The following MYOM1 variants were observed in gnomAD, a reference collection of about 807,000 sequenced individuals.
MYOM1 encodes the protein myomesin-1.
In MYOM1, 164 loss-of-function variants were observed where a neutral mutation model predicts 205.3. The observed-to-expected ratio is 0.80, with a 90% CI of 0.70 to 0.91. MYOM1 has a LOEUF of 0.91. MYOM1 is among the 40% of genes least tolerant of loss of function. The pLI is 0.00. For missense variants in MYOM1, 2,011 were observed against 2,127.3 expected, an observed-to-expected ratio of 0.95 and a Z score of 1.08; for synonymous variants, 772 against 789.4, an observed-to-expected ratio of 0.98 and a Z score of 0.37.
chr18:3,193,250 G>A (rs138340336), intron 3 of MYOM1, among the ~76,000 whole-genome samples: 1 of 150,414 alleles, frequency 6.6e-6, no homozygotes, highest in Non-Finnish European at 1.5e-5. Context: ...CTCCAGCCTG[G>A]GTAACAGAGT....
intron 2 of MYOM1, among the ~76,000 whole-genome samples, chr18:3,206,551 C>G (rs904133747): frequency 6.6e-6 from 1 of 152,190 alleles, no homozygotes; most frequent in Non-Finnish European, 1.5e-5. Context: ...ACAATTTCCT[C>G]TTCGCAAAAC....
intron 20 of MYOM1, among the ~76,000 whole-genome samples, chr18:3,118,919 CA>C (rs1158846000): frequency 6.6e-6 from 1 of 152,082 alleles, no homozygotes; most frequent in Non-Finnish European, 1.5e-5. Flanking sequence ...AGAAGTTCAG[CA>C]AAGGCAACGT....
chr18:3,094,822 C>T (rs184720972), intron 25 of MYOM1, among the ~76,000 whole-genome samples: 336 of 151,948 alleles, frequency 2.2e-3, no homozygotes, highest in Non-Finnish European at 3.5e-3. Flanking sequence ...CCACCACATT[C>T]GGCTAGTTTT....
chr18:3,212,233 G>T (rs770057587), intron 2 of MYOM1, among the ~76,000 whole-genome samples: 9 of 152,114 alleles, frequency 5.9e-5, no homozygotes, highest in Non-Finnish European at 1.2e-4. Flanking sequence ...AACATAACAA[G>T]CCATAATAAA....
chr18:3,121,893 C>A (rs1368789971), intron 19 of MYOM1, among the ~76,000 whole-genome samples: 1 of 152,022 alleles, frequency 6.6e-6, no homozygotes, highest in Non-Finnish European at 1.5e-5. Flanking sequence ...CCGAGGCGGG[C>A]GGATCACTTG....
chr18:3,237,946 T>C, the MYOM1 span, among the ~76,000 whole-genome samples: 1 of 152,154 alleles, frequency 6.6e-6, no homozygotes, highest in East Asian at 1.9e-4. Context: ...CAGGGATCAG[T>C]TTCGAGGAAG....
chr18:3,067,466 G>A lies in MYOM1; in HGVS notation c.4854C>T (p.His1618=), dbSNP rs1284559408. The A allele has an allele frequency of 6.2e-7, 1 of 1,613,718 alleles. No individual in the cohort carries two copies. Among genetic ancestry groups the A allele is most frequent in the Non-Finnish European group, 8.5e-7 (1 of 1,179,918 alleles). ...TCCCAGCCTCGAACTTGAGGTTGCA[G>A]TGGTCGTCTGAGGCCAGGGCCTTCT... The part of the protein sequence containing the change: ...KNEKALASDD[H]CNLKFEAGRT... Residue 1618 remains histidine, a synonymous_variant, in exon 38 of 38, where the codon CAC becomes CAT. Transcript: ENST00000356443.
intron 2 of MYOM1, among the ~76,000 whole-genome samples, chr18:3,196,958 G>T (rs2080996996): frequency 6.6e-6 from 1 of 152,172 alleles, no homozygotes; most frequent in Non-Finnish European, 1.5e-5. Flanking sequence ...GCTGAAAGAG[G>T]ACTCGGGGAT....
chr18:3,079,136 C>T, intron 34 of MYOM1, 43 bp downstream of exon 34: 3 of 1,596,300 alleles, frequency 1.9e-6, no homozygotes, highest in South Asian at 2.2e-5. Flanking sequence ...TTAAAAGGCT[C>T]ATTCATCTAG....
rs553146838 is a variant in MYOM1, at chr18:3,087,910, G to T, written c.4137+1264C>A. Reference sequence around the variant, plus strand: ...TACTCCATGAACTGTAATGCGACACGTGAGTGGCTAAATTTACAGGAATTG... The same window carrying T: ...TACTCCATGAACTGTAATGCGACACTTGAGTGGCTAAATTTACAGGAATTG... On this transcript the variant is annotated intron_variant, in intron 29 of 37. Transcript: ENST00000356443. Among the ~76,000 whole-genome samples the T allele has an allele frequency of 3.3e-5, 5 of 152,300 alleles. No individual in the cohort carries two copies. The South Asian group carries it at 1.0e-3, about 32-fold the overall frequency.
intron 25 of MYOM1, among the ~76,000 whole-genome samples, chr18:3,096,833 G>T (rs1051998309): frequency 6.6e-6 from 1 of 152,088 alleles, no homozygotes; most frequent in African/African-American, 2.4e-5. Context: ...AATTCTTGGT[G>T]TATGGATATA....
At chr18:3,165,695 T>C (rs1220157291) in intron 9 of MYOM1, among the ~76,000 whole-genome samples, 10 of 152,028 alleles carry the variant, frequency 6.6e-5, no homozygotes, top group Admixed American at 6.6e-4. Context: ...AGGCCAGGAG[T>C]TAATATTTGT....
chr18:3,196,547 T>C (rs1053076258), intron 2 of MYOM1, among the ~76,000 whole-genome samples: 1 of 152,232 alleles, frequency 6.6e-6, no homozygotes, highest in Non-Finnish European at 1.5e-5. Context: ...ATCTTGAAGC[T>C]TTCTGAATTT....
chr18:3,071,938 G>T (rs377065011), intron 36 of MYOM1, 49 bp from the exon 37 acceptor site: 3 of 1,544,204 alleles, frequency 1.9e-6, no homozygotes, highest in Admixed American at 3.7e-5. Flanking sequence ...CAAGGCCAGC[G>T]GTCATACTCA....
intron 16 of MYOM1, among the ~76,000 whole-genome samples, chr18:3,134,445 T>C (rs1285509256): frequency 6.6e-6 from 1 of 152,112 alleles, no homozygotes; most frequent in Non-Finnish European, 1.5e-5. Context: ...CTCACTGTGT[T>C]GGCCAGGTTG....
At chr18:3,073,927 C>T (rs745865082) in intron 36 of MYOM1, among the ~76,000 whole-genome samples, 2 of 152,066 alleles carry the variant, frequency 1.3e-5, no homozygotes, top group African/African-American at 2.4e-5. Flanking sequence ...TCAATGTGTC[C>T]GCATGTCTAA....
At chr18:3,169,187 G>A (rs1157302756) in intron 8 of MYOM1, among the ~76,000 whole-genome samples, 4 of 152,032 alleles carry the variant, frequency 2.6e-5, no homozygotes, top group African/African-American at 9.7e-5. Flanking sequence ...TACTTCATTG[G>A]TTATATAAGC....
At chr18:3,196,289 CTATCAAATTT>C (rs1417801065) in intron 2 of MYOM1, among the ~76,000 whole-genome samples, 1 of 152,194 alleles carries the variant, frequency 6.6e-6, no homozygotes, top group African/African-American at 2.4e-5. Flanking sequence ...ACATCTTACT[CTATCAAATTT>C]TAAAGTTGAA....
At chr18:3,090,509 C>T (rs949227014) in intron 27 of MYOM1, 149 bp downstream of exon 27, 14 of 1,049,010 alleles carry the variant, frequency 1.3e-5, no homozygotes, top group African/African-American at 8.0e-5. Context: ...CATGAGCCAC[C>T]GCGCCCAGCT....
Sources: allele counts gnomAD v4.1 joint callset (sites outside exome capture counted in the v4.1 genomes callset), GRCh38; gene constraint gnomAD v4.1.1; transcripts MANE v1.5; gene names NCBI Gene and HGNC (gene_info 2026-07-23, HGNC 2026-07-21).